Variants in SPAG16 observed in about 807,000 individuals in gnomAD.
SPAG16 encodes sperm associated antigen 16.
SPAG16 carries 86 observed loss-of-function variants against 80.4 expected under a neutral mutation model. The observed-to-expected ratio is 1.07, with a 90% CI of 0.90 to 1.28. SPAG16 has a LOEUF of 1.28. Ranked by LOEUF, SPAG16 falls within the 50% of genes most tolerant of loss-of-function variation. The pLI is 0.00. For synonymous variants in SPAG16, 294 were observed against 265.9 expected (o/e 1.11, Z -1.03); for missense variants, 870 against 765.3 (o/e 1.14, Z -1.61).
chr2:213,871,945 A>T (rs887182166), intron 11 of SPAG16, among the ~76,000 whole-genome samples: 13 of 152,004 alleles, frequency 8.6e-5, no homozygotes, highest in Non-Finnish European at 1.6e-4. Context: ...TGATTTTCAG[A>T]AATTTCAAAT....
intron 13 of SPAG16, among the ~76,000 whole-genome samples, chr2:214,098,639 T>G (rs2052767493): frequency 6.6e-6 from 1 of 152,116 alleles, no homozygotes; most frequent in African/African-American, 2.4e-5. Context: ...CCACCCAGTC[T>G]GTGCCACTTT....
intron 9 of SPAG16, among the ~76,000 whole-genome samples, chr2:213,489,075 A>G (rs2074122846): frequency 6.9e-6 from 1 of 144,222 alleles, no homozygotes; most frequent in Non-Finnish European, 1.5e-5. Flanking sequence ...ACTCCATCTC[A>G]AAAACGAAAA....
At chr2:213,844,205 T>G (rs1284541719) in intron 10 of SPAG16, among the ~76,000 whole-genome samples, 1 of 152,160 alleles carries the variant, frequency 6.6e-6, no homozygotes, top group African/African-American at 2.4e-5. Context: ...GCATGACCAA[T>G]GAAACCTGAA....
intron 10 of SPAG16, among the ~76,000 whole-genome samples, chr2:213,614,836 G>A (rs773925064): frequency 1.8e-4 from 28 of 152,186 alleles, no homozygotes; most frequent in Non-Finnish European, 3.4e-4. Flanking sequence ...GGCTTGTGAT[G>A]TAAATATTGC....
chr2:214,027,507 AT>A (rs1396163896), intron 13 of SPAG16, among the ~76,000 whole-genome samples: 2 of 151,720 alleles, frequency 1.3e-5, no homozygotes, highest in Non-Finnish European at 3.0e-5. Flanking sequence ...ATTGAGATAC[AT>A]TTATAGGTGG....
intron 10 of SPAG16, among the ~76,000 whole-genome samples, chr2:213,525,394 T>G (rs539848935): frequency 1.1e-4 from 16 of 150,108 alleles, no homozygotes; most frequent in Non-Finnish European, 2.1e-4. Context: ...GTTCAAGCTA[T>G]TCTTCTGCCT....
At chr2:213,728,916 A>AAAAAAAAAAAAAAAAAAAAAAC (rs2066904984) in intron 10 of SPAG16, among the ~76,000 whole-genome samples, 1 of 126,400 alleles carries the variant, frequency 7.9e-6, no homozygotes, top group Non-Finnish European at 1.7e-5. Context: ...AAAAAAAAAA[A>AAAAAAAAAAAAAAAAAAAAAAC]AAAAAGATGA....
Position 213,887,310 on chromosome 2 carries a change from A to G in SPAG16, c.1214+24682A>G, listed in dbSNP as rs551866583. Among the ~76,000 whole-genome samples, 5 of 152,046 alleles carry G rather than the reference A, an allele frequency of 3.3e-5. No individual in the cohort carries two copies. In the South Asian group the frequency reaches 8.3e-4, roughly 25 times the overall value. On this transcript the variant is annotated intron_variant, in intron 11 of 15. Transcript: ENST00000331683. ...AATAGTCATGTTTCTTTCATCTCCA[A>G]TCTGTGACAGTTCCTCCATTGTTTT...
At chr2:214,046,762 G>A (rs1482104458) in intron 13 of SPAG16, among the ~76,000 whole-genome samples, 2 of 152,090 alleles carry the variant, frequency 1.3e-5, no homozygotes, top group Non-Finnish European at 2.9e-5. Flanking sequence ...CTGGTTCACA[G>A]ATGATATGAT....
At chr2:214,009,685 G>A in intron 12 of SPAG16, among the ~76,000 whole-genome samples, 1 of 152,152 alleles carries the variant, frequency 6.6e-6, no homozygotes, top group East Asian at 1.9e-4. Context: ...ACATACATCT[G>A]TACTTGAAAG....
intron 10 of SPAG16, among the ~76,000 whole-genome samples, chr2:213,743,994 A>G (rs1332659174): frequency 1.3e-5 from 2 of 152,036 alleles, no homozygotes; most frequent in Non-Finnish European, 2.9e-5. Context: ...ATGCTTAGTT[A>G]TATTTTAGTG....
intron 10 of SPAG16, among the ~76,000 whole-genome samples, chr2:213,523,297 A>G (rs2075757529): frequency 1.3e-5 from 2 of 152,210 alleles, no homozygotes; most frequent in South Asian, 4.1e-4. Context: ...TTCCGCTTCC[A>G]CCATGATTGT....
At chr2:213,971,397 GT>G (rs1291015503) in intron 12 of SPAG16, among the ~76,000 whole-genome samples, 1 of 151,960 alleles carries the variant, frequency 6.6e-6, no homozygotes, top group Non-Finnish European at 1.5e-5. Context: ...AACTATACAA[GT>G]TTTTCCAAAT....
intron 6 of SPAG16, 53 bp downstream of exon 6, chr2:213,340,323 A>C (rs574958663): frequency 1.6e-6 from 2 of 1,226,012 alleles, no homozygotes; most frequent in East Asian, 4.9e-5. Context: ...ATACATGTTA[A>C]GTAATTTGAT....
chr2:214,186,370 T>TA (rs917846821), intron 15 of SPAG16, among the ~76,000 whole-genome samples: 2 of 152,140 alleles, frequency 1.3e-5, no homozygotes, highest in Non-Finnish European at 2.9e-5. Context: ...TTCCTTCTTC[T>TA]AAGCAAATAA....
intron 10 of SPAG16, among the ~76,000 whole-genome samples, chr2:213,551,077 C>T (rs986113572): frequency 2.0e-5 from 3 of 152,116 alleles, no homozygotes; most frequent in Non-Finnish European, 4.4e-5. Context: ...GAAAGCCCAA[C>T]TCTTAATTTT....
rs569816978 is a variant in SPAG16 at position 213,658,156 on chromosome 2, T to C, written c.1070+168066T>C. Reference sequence around the variant, plus strand: ...ACACCAGGAGAAAATCCTATGCCTTTTCTCCTTCCTCTGAATTAAAATCTT... The same window carrying C: ...ACACCAGGAGAAAATCCTATGCCTTCTCTCCTTCCTCTGAATTAAAATCTT... On this transcript the variant is annotated intron_variant, in intron 10 of 15. Transcript: ENST00000331683. Among the ~76,000 whole-genome samples, 16 of 152,222 alleles carry C rather than the reference T, an allele frequency of 1.1e-4. No homozygotes were observed. The East Asian group carries it at 2.7e-3, about 26-fold the overall frequency.
chr2:213,479,466 G>A (rs924628455), intron 9 of SPAG16, among the ~76,000 whole-genome samples: 1 of 151,928 alleles, frequency 6.6e-6, no homozygotes, highest in African/African-American at 2.4e-5. Context: ...TTTTGTTTGT[G>A]TGTGTGTGTG....
At chr2:213,677,058 G>C (rs1026029670) in intron 10 of SPAG16, among the ~76,000 whole-genome samples, 14 of 152,080 alleles carry the variant, frequency 9.2e-5, no homozygotes, top group African/African-American at 3.4e-4. Flanking sequence ...CCACATTTCA[G>C]CTCCTGTTAT....
Sources: allele counts gnomAD v4.1 joint callset (sites outside exome capture counted in the v4.1 genomes callset), GRCh38; gene constraint gnomAD v4.1.1; transcripts MANE v1.5; gene names NCBI Gene and HGNC (gene_info 2026-07-23, HGNC 2026-07-21).